Variants in RAB38 observed in about 807,000 individuals in gnomAD.
RAB38 encodes ras-related protein Rab-38.
In RAB38, 15 loss-of-function variants were observed where a neutral mutation model predicts 18.4. That is an observed-to-expected ratio of 0.82 (90% CI 0.55 to 1.26). The LOEUF (loss-of-function observed/expected upper bound fraction) is 1.26, where lower values mean the gene tolerates loss of function less well. Ranked by LOEUF, RAB38 falls within the 50% of genes most tolerant of loss-of-function variation. RAB38 has a pLI of 0.00. For synonymous variants in RAB38, 101 were observed against 104.4 expected, an observed-to-expected ratio of 0.97 and a Z score of 0.20; for missense variants, 294 against 267.4, an observed-to-expected ratio of 1.10 and a Z score of -0.69.
chr11:88,009,549 G>A, the RAB38 span, among the ~76,000 whole-genome samples: 1 of 152,140 alleles, frequency 6.6e-6, no homozygotes, highest in African/African-American at 2.4e-5. Flanking sequence ...GTAACATGAT[G>A]ATAGAGGATT....
chr11:87,957,105 C>G, the RAB38 span, among the ~76,000 whole-genome samples: 1 of 152,006 alleles, frequency 6.6e-6, no homozygotes, highest in Non-Finnish European at 1.5e-5. Flanking sequence ...TAAGTAATAA[C>G]TTACAGTGGG....
At chr11:88,033,244 G>A in the RAB38 span, among the ~76,000 whole-genome samples, 2 of 151,996 alleles carry the variant, frequency 1.3e-5, no homozygotes, top group African/African-American at 4.8e-5. Flanking sequence ...GGAGGAGGGG[G>A]GAGGGATAGC....
At chr11:87,945,074 G>GTAAATA in the RAB38 span, among the ~76,000 whole-genome samples, 488 of 152,198 alleles carry the variant, frequency 3.2e-3, no homozygotes, top group African/African-American at 0.011. Flanking sequence ...AGACACATGG[G>GTAAATA]TAAATTTTAA....
chr11:88,075,578 C>G, the RAB38 span, among the ~76,000 whole-genome samples: 1 of 152,084 alleles, frequency 6.6e-6, no homozygotes, highest in African/African-American at 2.4e-5. Context: ...ACACCTATAT[C>G]AAAAAGATAG....
At chr11:88,063,584 C>G in the RAB38 span, among the ~76,000 whole-genome samples, 1 of 152,190 alleles carries the variant, frequency 6.6e-6, no homozygotes, top group East Asian at 1.9e-4. Context: ...TATGGTTTGG[C>G]TCTGTCCCCA....
At chr11:87,850,746 A>G in the RAB38 span, among the ~76,000 whole-genome samples, 1 of 150,722 alleles carries the variant, frequency 6.6e-6, no homozygotes, top group Middle Eastern at 3.4e-3. Context: ...ACACACACAC[A>G]TACACACACA....
chr11:87,896,501 G>A, the RAB38 span, among the ~76,000 whole-genome samples: 1 of 151,590 alleles, frequency 6.6e-6, no homozygotes. Flanking sequence ...AGATTTATGA[G>A]AGAAAGTCAG....
At chr11:88,148,510 C>T (rs968298179) in intron 2 of RAB38, among the ~76,000 whole-genome samples, 2 of 152,194 alleles carry the variant, frequency 1.3e-5, no homozygotes, top group African/African-American at 4.8e-5. Context: ...GCCCTCCAAT[C>T]CGTCTTCTAT....
At chr11:88,103,994 A>G in the RAB38 span, among the ~76,000 whole-genome samples, 1 of 152,214 alleles carries the variant, frequency 6.6e-6, no homozygotes, top group Non-Finnish European at 1.5e-5. Flanking sequence ...AGTGAGTTTC[A>G]GTGATTTCCC....
At chr11:88,076,269 CAT>C in the RAB38 span, among the ~76,000 whole-genome samples, 4 of 151,896 alleles carry the variant, frequency 2.6e-5, no homozygotes, top group East Asian at 5.8e-4. Flanking sequence ...TAGAAAAAAA[CAT>C]ACCTCAAATA....
chr11:88,007,782 T>A, the RAB38 span, among the ~76,000 whole-genome samples: 1 of 152,098 alleles, frequency 6.6e-6, no homozygotes, highest in Admixed American at 6.5e-5. Context: ...ATGTACAATA[T>A]TGCTTATAAA....
the RAB38 span, among the ~76,000 whole-genome samples, chr11:88,046,876 C>T: frequency 6.6e-6 from 1 of 152,226 alleles, no homozygotes; most frequent in African/African-American, 2.4e-5. Context: ...AGAGACTGCC[C>T]TCACCCTAGC....
chr11:88,100,467 G>A, the RAB38 span, among the ~76,000 whole-genome samples: 3 of 151,930 alleles, frequency 2.0e-5, no homozygotes, highest in East Asian at 3.9e-4. Context: ...ATAATTCATC[G>A]TCCAATTGTA....
the RAB38 span, among the ~76,000 whole-genome samples, chr11:87,943,354 A>G: frequency 2.6e-5 from 4 of 152,066 alleles, no homozygotes; most frequent in African/African-American, 9.7e-5. Flanking sequence ...TTACTTTTTA[A>G]AAAACAAGAT....
At chr11:87,825,390 A>T in the RAB38 span, among the ~76,000 whole-genome samples, 1,735 of 152,212 alleles carry the variant, frequency 0.011, 40 homozygotes, top group African/African-American at 0.039. Context: ...TTCTCACAGT[A>T]TTGGAGGTGG....
At chr11:88,074,768 T>C in the RAB38 span, among the ~76,000 whole-genome samples, 1 of 152,192 alleles carries the variant, frequency 6.6e-6, no homozygotes, top group African/African-American at 2.4e-5. Context: ...GATAGCTGAA[T>C]GAATTTTTAA....
the RAB38 span, among the ~76,000 whole-genome samples, chr11:87,936,508 C>G: frequency 3.9e-5 from 6 of 152,012 alleles, no homozygotes; most frequent in Non-Finnish European, 2.9e-5. Context: ...TATGTGCCTA[C>G]CCCTCCAGCC....
chr11:88,146,472 T>C (rs920929026), intron 2 of RAB38, among the ~76,000 whole-genome samples: 1 of 151,986 alleles, frequency 6.6e-6, no homozygotes, highest in Non-Finnish European at 1.5e-5. Context: ...AGGATACCTA[T>C]GGGAAATGTT....
At chr11:87,900,426 G>T in the RAB38 span, among the ~76,000 whole-genome samples, 2 of 151,588 alleles carry the variant, frequency 1.3e-5, no homozygotes. Flanking sequence ...AGATCCTAAT[G>T]CATGAAGTCC....
Sources: allele counts gnomAD v4.1 joint callset (sites outside exome capture counted in the v4.1 genomes callset), GRCh38; gene constraint gnomAD v4.1.1; transcripts MANE v1.5; gene names NCBI Gene and HGNC (gene_info 2026-07-23, HGNC 2026-07-21).